ST6GALNAC5: variants seen among roughly 807,000 people sequenced by gnomAD.
ST6GALNAC5 encodes ST6 N-acetylgalactosaminide alpha-2,6-sialyltransferase 5, also known as alpha-N-acetylgalactosaminide alpha-2,6-sialyltransferase 5.
A neutral mutation model predicts 33.6 loss-of-function variants in ST6GALNAC5; 27 were observed. The ratio of observed to expected loss-of-function variants is 0.80; its 90% confidence interval spans 0.59 to 1.11. The LOEUF is 1.11. Ranked by LOEUF, ST6GALNAC5 falls within the 50% of genes least tolerant of loss-of-function variation. ST6GALNAC5 has a pLI of 0.00. For missense variants in ST6GALNAC5, 428 were observed against 454.0 expected, an observed-to-expected ratio of 0.94 and a Z score of 0.52; for synonymous variants, 194 against 171.2, an observed-to-expected ratio of 1.13 and a Z score of -1.04.
intron 2 of ST6GALNAC5, among the ~76,000 whole-genome samples, chr1:76,881,817 G>C (rs1284575391): frequency 1.3e-5 from 2 of 152,118 alleles, no homozygotes; most frequent in Non-Finnish European, 1.5e-5. Flanking sequence ...CTATCTTCTT[G>C]TACTAATCAG....
Position 76,894,889 on chromosome 1 carries a change from G to A in ST6GALNAC5, c.261+26147G>A, listed in dbSNP as rs140517418. The stretch of plus-strand genomic sequence containing the variant: ...AGCTGTTTATTTCACCTGGGTGCAG[G>A]TGGGCTGAGTCCGAAAACAGTCAGT... On this transcript the variant is annotated intron_variant, in intron 2 of 4. Coordinates refer to ENST00000477717, the MANE Select transcript of ST6GALNAC5 (RefSeq NM_030965.3). Among the ~76,000 whole-genome samples, 480 of 152,284 alleles carry A rather than the reference G, an allele frequency of 3.2e-3. 1 individual carries two copies. Among genetic ancestry groups the A allele is most frequent in the Non-Finnish European group, 5.3e-3 (361 of 68,028 alleles).
At chr1:76,918,616 CA>C (rs5775368) in intron 2 of ST6GALNAC5, among the ~76,000 whole-genome samples, 79 of 76,584 alleles carry the variant, frequency 1.0e-3, no homozygotes, top group African/African-American at 2.1e-3. Context: ...GACTCCATCT[CA>C]AAAAAAAAAA....
chr1:76,868,896 A>G lies in ST6GALNAC5; in HGVS notation c.261+154A>G, dbSNP rs1570622949. The stretch of plus-strand genomic sequence containing the variant: ...CGCTGGGGTAGGGTGGGCTAGTTCC[A>G]ACTTGGTATGAATTCTTATTTGGAG... On this transcript the variant is annotated intron_variant, in intron 2 of 4. Transcript: ENST00000477717. This position sits in a 1 kb window ranked among gnomAD's most constrained non-coding sequence, Gnocchi z 4.3. 8.2e-7 allele frequency: 1 copy of G among 1,213,876 alleles called. No individual in the cohort carries two copies. Among genetic ancestry groups the G allele is most frequent in the Admixed American group, 3.3e-5 (1 of 30,644 alleles). 75.2% of individuals were successfully genotyped at this position (1,213,876 alleles called of 1,614,324 possible).
chr1:77,035,073 A>C (rs1651601243), intron 2 of ST6GALNAC5, among the ~76,000 whole-genome samples: 1 of 152,132 alleles, frequency 6.6e-6, no homozygotes, highest in Admixed American at 6.5e-5. Context: ...TTGGGAAAAC[A>C]CAGATTGCTG....
intron 2 of ST6GALNAC5, among the ~76,000 whole-genome samples, chr1:76,979,441 T>C (rs1458422478): frequency 6.6e-6 from 1 of 152,022 alleles, no homozygotes. Context: ...TATAGAATAA[T>C]GAAACAGAAT....
chr1:76,896,511 G>T (rs1654140162), intron 2 of ST6GALNAC5, among the ~76,000 whole-genome samples: 1 of 152,152 alleles, frequency 6.6e-6, no homozygotes, highest in African/African-American at 2.4e-5. Flanking sequence ...GTGGTGTGTG[G>T]CGATTAGGCC....
At chr1:76,991,847 A>G (rs1649744000) in intron 2 of ST6GALNAC5, among the ~76,000 whole-genome samples, 2 of 151,602 alleles carry the variant, frequency 1.3e-5, no homozygotes, top group African/African-American at 2.4e-5. Context: ...GCGCACACAC[A>G]CACACACACA....
chr1:76,879,003 TTTGTAG>T (rs1653715560), intron 2 of ST6GALNAC5, among the ~76,000 whole-genome samples: 1 of 152,168 alleles, frequency 6.6e-6, no homozygotes. Context: ...GTATTTACAT[TTTGTAG>T]TTGAGTGACT....
chr1:77,016,528 C>A (rs925220082), intron 2 of ST6GALNAC5, among the ~76,000 whole-genome samples: 14 of 151,768 alleles, frequency 9.2e-5, no homozygotes, highest in African/African-American at 2.9e-4. Flanking sequence ...TCCCCCAACC[C>A]CCTGCCCCCT....
chr1:77,010,877 A>G (rs1272576752), intron 2 of ST6GALNAC5, among the ~76,000 whole-genome samples: 2 of 152,252 alleles, frequency 1.3e-5, no homozygotes, highest in African/African-American at 4.8e-5. Context: ...AGTTCTCCTG[A>G]AAATGATATT....
At chr1:76,981,371 G>C (rs1194845088) in intron 2 of ST6GALNAC5, among the ~76,000 whole-genome samples, 1 of 152,222 alleles carries the variant, frequency 6.6e-6, no homozygotes, top group Non-Finnish European at 1.5e-5. Context: ...CACACCCATA[G>C]AGCCTTGCTC....
intron 2 of ST6GALNAC5, among the ~76,000 whole-genome samples, chr1:76,948,574 A>G (rs542947273): frequency 7.7e-6 from 1 of 130,068 alleles, no homozygotes; most frequent in South Asian, 2.9e-4. Context: ...AGAGAGAGGT[A>G]TGGGAGTGGG....
At chr1:77,024,663 A>T (rs1440240652) in intron 2 of ST6GALNAC5, among the ~76,000 whole-genome samples, 1 of 152,150 alleles carries the variant, frequency 6.6e-6, no homozygotes, top group Non-Finnish European at 1.5e-5. Context: ...TTCGCAAGGG[A>T]CTTTGATATG....
At chr1:76,997,493 T>C (rs1306836425) in intron 2 of ST6GALNAC5, among the ~76,000 whole-genome samples, 1 of 152,170 alleles carries the variant, frequency 6.6e-6, no homozygotes, top group Non-Finnish European at 1.5e-5. Flanking sequence ...TGGAAGATCC[T>C]GCCATATGGA....
At chr1:76,923,637 G>A (rs956735996) in intron 2 of ST6GALNAC5, among the ~76,000 whole-genome samples, 8 of 152,048 alleles carry the variant, frequency 5.3e-5, no homozygotes, top group Admixed American at 2.0e-4. Context: ...AGATTACAGT[G>A]AGCTGAGATT....
intron 2 of ST6GALNAC5, among the ~76,000 whole-genome samples, chr1:76,945,801 G>A (rs886507793): frequency 1.3e-5 from 2 of 152,110 alleles, no homozygotes; most frequent in African/African-American, 4.8e-5. Flanking sequence ...AGTCTTAATA[G>A]AAGTCATGCA....
At chr1:76,918,760 A>G (rs1207704562) in intron 2 of ST6GALNAC5, among the ~76,000 whole-genome samples, 2 of 152,132 alleles carry the variant, frequency 1.3e-5, no homozygotes, top group Non-Finnish European at 2.9e-5. Context: ...CTGGACAGCA[A>G]CACAAATAAC....
At chr1:77,039,095 C>T (rs919400911) in intron 2 of ST6GALNAC5, among the ~76,000 whole-genome samples, 1 of 152,184 alleles carries the variant, frequency 6.6e-6, no homozygotes, top group Non-Finnish European at 1.5e-5. Context: ...TATCTGCACA[C>T]TCCCTCTAGA....
At chr1:76,916,330 A>C (rs75001327) in intron 2 of ST6GALNAC5, among the ~76,000 whole-genome samples, 4 of 152,204 alleles carry the variant, frequency 2.6e-5, no homozygotes, top group African/African-American at 9.6e-5. Flanking sequence ...ACAACCATGC[A>C]TTTACAAAGA....
Sources: allele counts gnomAD v4.1 joint callset (sites outside exome capture counted in the v4.1 genomes callset), GRCh38; gene constraint gnomAD v4.1.1; non-coding constraint Gnocchi (gnomAD v3.1); transcripts MANE v1.5; gene names NCBI Gene and HGNC (gene_info 2026-07-23, HGNC 2026-07-21).